Variants in SLC6A6 observed in about 807,000 individuals in gnomAD.
SLC6A6 encodes the protein solute carrier family 6 member 6.
In SLC6A6, 16 loss-of-function variants were observed where a neutral mutation model predicts 68.8. That is an observed-to-expected ratio of 0.23 (90% CI 0.16 to 0.35). SLC6A6 has a LOEUF of 0.35. SLC6A6 is among the 10% of genes least tolerant of loss of function. SLC6A6 has a pLI of 1.00. For missense variants in SLC6A6, 474 were observed against 802.8 expected (o/e 0.59, Z 4.95); for synonymous variants, 312 against 315.4 (o/e 0.99, Z 0.12).
intron 6 of SLC6A6, among the ~76,000 whole-genome samples, chr3:14,459,858 C>T (rs1040951248): frequency 1.3e-5 from 2 of 150,208 alleles, no homozygotes; most frequent in Admixed American, 6.7e-5. Flanking sequence ...TTGGCACAGA[C>T]GGTTCTGTAA....
chr3:14,428,770 G>A lies in SLC6A6; in HGVS notation c.-12+12317G>A, dbSNP rs981696896. Reference sequence around the variant, plus strand: ...GTCAAGCAATGTCACCAGAGCCTCCGCTGGCCTTTCCTGCCATTGTTCCCT... The same window carrying A: ...GTCAAGCAATGTCACCAGAGCCTCCACTGGCCTTTCCTGCCATTGTTCCCT... On this transcript the variant is annotated intron_variant, in intron 2 of 14. Coordinates refer to ENST00000622186, the MANE Select transcript of SLC6A6 (RefSeq NM_003043.6). Among the ~76,000 whole-genome samples the A allele has an allele frequency of 3.3e-5, 5 of 152,158 alleles. No individual in the cohort carries two copies. In the South Asian group the frequency reaches 8.3e-4, roughly 25 times the overall value.
chr3:14,423,917 C>A (rs1213016419), intron 2 of SLC6A6, among the ~76,000 whole-genome samples: 1 of 152,128 alleles, frequency 6.6e-6, no homozygotes, highest in African/African-American at 2.4e-5. Flanking sequence ...GCCAAGCGAT[C>A]CCTGTGTGGC....
At position 14,472,118 on chromosome 3, in the gene SLC6A6, G is replaced by A; in HGVS notation, c.1097-87G>A. 2 of 788,012 alleles carry A rather than the reference G, an allele frequency of 2.5e-6. No individual in the cohort carries two copies. The highest frequency in any genetic ancestry group is 3.0e-5 in the South Asian group (2 of 66,910). 48.8% of individuals were successfully genotyped at this position (788,012 alleles called of 1,614,324 possible). A position where few individuals can be genotyped will look rare whatever the true frequency, so the allele number is the denominator to read the frequency against. ...GGCTCCCTGCTGTATTTGGGTCTGA[G>A]TGTCTTTGTGTGAGCCCAGGGTTCC... On this transcript the variant is annotated intron_variant, in intron 9 of 14. Coordinates refer to ENST00000622186, the MANE Select transcript of SLC6A6 (RefSeq NM_003043.6). This position sits in a 1 kb window ranked among gnomAD's most constrained non-coding sequence, Gnocchi z 4.5.
chr3:14,403,756 G>A (rs984407372), intron 1 of SLC6A6, among the ~76,000 whole-genome samples: 2 of 152,238 alleles, frequency 1.3e-5, no homozygotes. Flanking sequence ...TTGAGTAGGA[G>A]ATTCTCGTCC....
chr3:14,468,546 C>T lies in SLC6A6; in HGVS notation c.1096+334C>T, dbSNP rs574008536. Among the ~76,000 whole-genome samples, 1 of 152,108 alleles carries T rather than the reference C, an allele frequency of 6.6e-6. No homozygotes were observed. The highest frequency in any genetic ancestry group is 2.4e-5 in the African/African-American group (1 of 41,488). Reference sequence around the variant, plus strand: ...TCCACAATAGAAACCACTTTCCTAACTCAGGCCCAAGTCAGCCACCAATCG... The same window carrying T: ...TCCACAATAGAAACCACTTTCCTAATTCAGGCCCAAGTCAGCCACCAATCG... On this transcript the variant is annotated intron_variant, in intron 9 of 14. Transcript: ENST00000622186. The surrounding 1 kb of genome is among the most constrained non-coding windows in gnomAD (Gnocchi z 4.5).
At chr3:14,437,725 C>T (rs181464597) in intron 2 of SLC6A6, among the ~76,000 whole-genome samples, 4 of 152,126 alleles carry the variant, frequency 2.6e-5, no homozygotes, top group South Asian at 4.1e-4. Context: ...ACTTACTCCT[C>T]GTACATAACT....
intron 4 of SLC6A6, among the ~76,000 whole-genome samples, chr3:14,446,401 G>C (rs1386003422): frequency 6.6e-6 from 1 of 152,138 alleles, no homozygotes; most frequent in African/African-American, 2.4e-5. Context: ...AACAGACGCT[G>C]GGGACTCCAC....
intron 2 of SLC6A6, chr3:14,432,934 T>C (rs1699762657): frequency 6.6e-6 from 1 of 152,332 alleles, no homozygotes; most frequent in South Asian, 2.1e-4. Flanking sequence ...GTGTCCAGGC[T>C]GTCAGGCCCA....
At chr3:14,435,616 G>T (rs1016602651) in intron 2 of SLC6A6, among the ~76,000 whole-genome samples, 5 of 152,238 alleles carry the variant, frequency 3.3e-5, no homozygotes, top group Non-Finnish European at 7.3e-5. Context: ...CTGTAGGCCA[G>T]CCTGGTCAGC....
At chr3:14,473,291 G>A (rs1160152256) in intron 10 of SLC6A6, among the ~76,000 whole-genome samples, 1 of 152,186 alleles carries the variant, frequency 6.6e-6, no homozygotes, top group African/African-American at 2.4e-5. Flanking sequence ...GGCTGGTTGT[G>A]TGCCCAGCCC....
chr3:14,416,362 C>T, intron 1 of SLC6A6, 50 bp from the exon 2 acceptor site: 4 of 398,586 alleles, frequency 1.0e-5, no homozygotes, highest in Non-Finnish European at 1.8e-5. Flanking sequence ...GCACAGTCTG[C>T]CTCTGACCAG....
At chr3:14,418,273 G>A (rs1354568350) in intron 2 of SLC6A6, among the ~76,000 whole-genome samples, 1 of 152,202 alleles carries the variant, frequency 6.6e-6, no homozygotes, top group Non-Finnish European at 1.5e-5. Flanking sequence ...GCTCCCACTG[G>A]TCCAGGGTTC....
At chr3:14,428,100 C>A (rs1296994363) in intron 2 of SLC6A6, among the ~76,000 whole-genome samples, 1 of 152,216 alleles carries the variant, frequency 6.6e-6, no homozygotes, top group Non-Finnish European at 1.5e-5. Flanking sequence ...AGGGGACCCA[C>A]ATTGCTCAGC....
chr3:14,441,824 C>A (rs1190814011), intron 2 of SLC6A6, among the ~76,000 whole-genome samples: 1 of 152,248 alleles, frequency 6.6e-6, no homozygotes, highest in Non-Finnish European at 1.5e-5. Context: ...CCTGTGGATG[C>A]CACTCTGGGA....
chr3:14,443,968 G>A lies in SLC6A6; in HGVS notation c.229+105G>A, dbSNP rs1409351280. On this transcript the variant is annotated intron_variant, in intron 3 of 14. Transcript: ENST00000622186. The stretch of plus-strand genomic sequence containing the variant: ...TGGCCTCTCTTTCCCTGCTTTCCCT[G>A]GCCCCCCCCCTTGACCTCCATGAGG... The A allele has an allele frequency of 9.1e-6, 7 of 773,392 alleles. No homozygotes were observed. The East Asian group carries it at 1.6e-4, about 18-fold the overall frequency. The allele number at this position is 773,392 out of a possible 1,614,324, so 47.9% of individuals were successfully genotyped here.
chr3:14,472,314 C>G lies in SLC6A6; in HGVS notation c.1206C>G (p.Ser402Arg). Residue 402 changes from serine (S) to arginine (R), a missense_variant, in exon 10 of 15, where the codon AGC (serine) becomes AGG (arginine). By Grantham distance (110) the Ser-to-Arg change is moderately radical. This residue lies in a region of SLC6A6 where 280 missense variants were observed against 533.1 expected (regional missense o/e 0.53). Coordinates refer to ENST00000622186, the MANE Select transcript of SLC6A6 (RefSeq NM_003043.6). The surrounding 1 kb of genome is among the most constrained non-coding windows in gnomAD (Gnocchi z 4.5). ...FIMLLLLGLDSQFVEVEGQIT... is the reference protein window; with the variant it reads ...FIMLLLLGLDRQFVEVEGQIT... ...TGCTTCTCTTGCTTGGACTGGATAG[C>G]CAGGTGCGTATAAGGGATGGCCCTG... 1 of 1,583,582 alleles carries G rather than the reference C, an allele frequency of 6.3e-7. No homozygotes were observed. Among genetic ancestry groups the G allele is most frequent in the Non-Finnish European group, 8.7e-7 (1 of 1,152,212 alleles).
In SLC6A6 at chr3:14,450,163, C is replaced by T. The variant is rs897950670; in HGVS notation, c.599+2347C>T. On this transcript the variant is annotated intron_variant, in intron 5 of 14. Coordinates refer to ENST00000622186, the MANE Select transcript of SLC6A6 (RefSeq NM_003043.6). The surrounding 1 kb of genome is among the most constrained non-coding windows in gnomAD (Gnocchi z 4.1). ...CACCCCCTATTGTAAAGGGGTCATC[C>T]TCTTCTGGGCTCTGCTTGTCTCGCT... Among the ~76,000 whole-genome samples, 1 of 152,082 alleles carries T rather than the reference C, an allele frequency of 6.6e-6. No homozygotes were observed. Among genetic ancestry groups the T allele is most frequent in the African/African-American group, 2.4e-5 (1 of 41,408 alleles).
At chr3:14,414,429 G>A (rs756009775) in intron 1 of SLC6A6, among the ~76,000 whole-genome samples, 2 of 152,206 alleles carry the variant, frequency 1.3e-5, no homozygotes, top group African/African-American at 2.4e-5. Context: ...CTGAGAGCAG[G>A]CCTATGTGGG....
intron 1 of SLC6A6, among the ~76,000 whole-genome samples, chr3:14,408,034 G>A (rs12488523): frequency 0.37 from 56,169 of 151,704 alleles, 10,509 homozygotes; most frequent in Non-Finnish European, 0.39. Context: ...GGACATTTGG[G>A]TTGTTTCCAG....
Sources: allele counts gnomAD v4.1 joint callset (sites outside exome capture counted in the v4.1 genomes callset), GRCh38; gene constraint gnomAD v4.1.1; regional missense constraint gnomAD v4.1.1; non-coding constraint Gnocchi (gnomAD v3.1); transcripts MANE v1.5; gene names NCBI Gene and HGNC (gene_info 2026-07-23, HGNC 2026-07-21).